Variants in AGBL4 observed in about 807,000 individuals in gnomAD.
The protein encoded by AGBL4 is AGBL carboxypeptidase 4.
AGBL4 carries 58 observed loss-of-function variants against 66.4 expected under a neutral mutation model. The ratio of observed to expected loss-of-function variants is 0.87; its 90% CI spans 0.71 to 1.09. AGBL4 has a LOEUF of 1.09. Among genes scored for constraint, AGBL4 ranks in the 50% least tolerant of loss-of-function variants. The probability of loss-of-function intolerance (pLI) is 0.00; values close to 1 mark genes in which losing one functional copy is unlikely to be tolerated. For synonymous variants in AGBL4, 234 were observed against 222.9 expected (o/e 1.05, Z -0.44); for missense variants, 579 against 631.0 (o/e 0.92, Z 0.88).
chr1:49,582,558 A>G (rs753996383), intron 3 of AGBL4, among the ~76,000 whole-genome samples: 14 of 152,180 alleles, frequency 9.2e-5, no homozygotes, highest in Non-Finnish European at 1.8e-4. Flanking sequence ...TTCCAGCACC[A>G]GTGGCTGAAG....
intron 5 of AGBL4, among the ~76,000 whole-genome samples, chr1:48,923,372 G>C (rs539974676): frequency 1.3e-5 from 2 of 152,300 alleles, no homozygotes; most frequent in East Asian, 3.9e-4. Flanking sequence ...TTGCCTAGAA[G>C]GTCTCAAAGG....
chr1:49,745,131 A>G (rs1369307948), intron 2 of AGBL4, among the ~76,000 whole-genome samples: 1 of 152,124 alleles, frequency 6.6e-6, no homozygotes, highest in Non-Finnish European at 1.5e-5. Flanking sequence ...AATGGATTAA[A>G]AACATGACCC....
At chr1:49,006,218 C>A (rs1030959808) in intron 5 of AGBL4, among the ~76,000 whole-genome samples, 34 of 152,142 alleles carry the variant, frequency 2.2e-4, no homozygotes, top group African/African-American at 8.0e-4. Flanking sequence ...ACTCGGGAAG[C>A]GCAAGGGGTC....
intron 3 of AGBL4, among the ~76,000 whole-genome samples, chr1:49,511,624 A>T (rs72684901): frequency 0.1 from 15,278 of 151,258 alleles, 969 homozygotes; most frequent in African/African-American, 0.16. Flanking sequence ...ATTTTTTTTT[A>T]AAAAAATTGA....
intron 1 of AGBL4, among the ~76,000 whole-genome samples, chr1:49,857,254 C>A (rs1379942103): frequency 6.6e-6 from 1 of 152,052 alleles, no homozygotes; most frequent in African/African-American, 2.4e-5. Flanking sequence ...ACCTCCCATG[C>A]TCATGGATTA....
intron 3 of AGBL4, among the ~76,000 whole-genome samples, chr1:49,624,919 T>C (rs1223197303): frequency 6.6e-6 from 1 of 152,204 alleles, no homozygotes; most frequent in Non-Finnish European, 1.5e-5. Context: ...AGTCATGACA[T>C]AGCAGAGATG....
At chr1:49,849,468 A>G (rs1307184505) in intron 2 of AGBL4, among the ~76,000 whole-genome samples, 1 of 146,038 alleles carries the variant, frequency 6.8e-6, no homozygotes, top group Non-Finnish European at 1.5e-5. Context: ...ATCTTTAAAC[A>G]AAGTATACAT....
chr1:48,531,251 C>G (rs1046671458), downstream of AGBL4, among the ~76,000 whole-genome samples: 1 of 151,788 alleles, frequency 6.6e-6, no homozygotes, highest in Non-Finnish European at 1.5e-5. Flanking sequence ...TTATCAGAGT[C>G]CATATATGCT....
intron 11 of AGBL4, among the ~76,000 whole-genome samples, chr1:48,580,259 G>A (rs910395295): frequency 2.0e-5 from 3 of 152,218 alleles, no homozygotes; most frequent in Non-Finnish European, 2.9e-5. Context: ...CCAGGAGAGG[G>A]TGTGTCTAAA....
At chr1:49,830,699 TG>T (rs1171526608) in intron 2 of AGBL4, among the ~76,000 whole-genome samples, 1 of 152,186 alleles carries the variant, frequency 6.6e-6, no homozygotes, top group Non-Finnish European at 1.5e-5. Context: ...ATGTCCTGAA[TG>T]GTATTGCCTA....
chr1:49,245,056 C>T (rs886507522), intron 4 of AGBL4, among the ~76,000 whole-genome samples: 2 of 151,584 alleles, frequency 1.3e-5, no homozygotes, highest in African/African-American at 4.8e-5. Context: ...TATAGGGATA[C>T]TTAAAATTTC....
At chr1:49,255,211 T>G (rs1242035829) in intron 3 of AGBL4, among the ~76,000 whole-genome samples, 1 of 151,960 alleles carries the variant, frequency 6.6e-6, no homozygotes, top group African/African-American at 2.4e-5. Flanking sequence ...AAACTATCAG[T>G]AGAGTAAACA....
chr1:48,940,758 T>C lies in AGBL4; in HGVS notation c.595-73528A>G, dbSNP rs111394948. On this transcript the variant is annotated intron_variant, in intron 5 of 13. Transcript: ENST00000371839. ...TGCAAATCAGTGACAAACTTTTAAATAGAAGGCAGCTACTGAAAAGTTCAG... is the reference window on the plus strand; with the variant it reads ...TGCAAATCAGTGACAAACTTTTAAACAGAAGGCAGCTACTGAAAAGTTCAG... Among the ~76,000 whole-genome samples the C allele has an allele frequency of 7.3e-3, 1,109 of 152,310 alleles. 19 individuals carry two copies. Among genetic ancestry groups the C allele is most frequent in the African/African-American group, 0.025 (1,026 of 41,578 alleles).
chr1:49,585,843 G>A (rs79370943), intron 3 of AGBL4, among the ~76,000 whole-genome samples: 2,777 of 152,198 alleles, frequency 0.018, 35 homozygotes, highest in Non-Finnish European at 0.031. Context: ...AGGCAGAGTC[G>A]AAGTTGGAAG....
intron 2 of AGBL4, among the ~76,000 whole-genome samples, chr1:49,842,553 T>C (rs1646023970): frequency 6.6e-6 from 1 of 152,176 alleles, no homozygotes; most frequent in Admixed American, 6.5e-5. Flanking sequence ...CAAGCACCCA[T>C]TTTGCTGTGA....
At chr1:49,197,966 C>A (rs1055206159) in intron 4 of AGBL4, among the ~76,000 whole-genome samples, 1 of 152,164 alleles carries the variant, frequency 6.6e-6, no homozygotes, top group Non-Finnish European at 1.5e-5. Flanking sequence ...TGCCACCCAG[C>A]TTGTTATGAG....
chr1:49,137,796 A>T (rs777528157), intron 4 of AGBL4, among the ~76,000 whole-genome samples: 7 of 152,144 alleles, frequency 4.6e-5, no homozygotes, highest in Non-Finnish European at 8.8e-5. Context: ...GTCATCCAAC[A>T]TCTTCTCAGA....
intron 1 of AGBL4, among the ~76,000 whole-genome samples, chr1:49,950,068 A>ATG (rs1655979273): frequency 7.0e-6 from 1 of 142,130 alleles, no homozygotes; most frequent in Non-Finnish European, 1.5e-5. Flanking sequence ...ATACACACAT[A>ATG]TATATACACA....
rs1557812678 is a variant in AGBL4, at chr1:48,591,100, A to ACC, written c.952-116_952-115insGG. On this transcript the variant is annotated intron_variant, in intron 9 of 13. Transcript: ENST00000371839. ...CACACACACCCACCCACCCCCCCCC[A>ACC]CACACACACACACATCAAGCTGACC... 12 of 365,560 alleles carry ACC rather than the reference A, an allele frequency of 3.3e-5. 1 individual carries two copies. The highest frequency in any genetic ancestry group is 3.2e-4 in the South Asian group (8 of 24,690). 22.6% of individuals were successfully genotyped at this position (365,560 alleles called of 1,614,324 possible).
Sources: allele counts gnomAD v4.1 joint callset (sites outside exome capture counted in the v4.1 genomes callset), GRCh38; gene constraint gnomAD v4.1.1; transcripts MANE v1.5; gene names NCBI Gene and HGNC (gene_info 2026-07-23, HGNC 2026-07-21).